Variants in CELF2 observed in about 807,000 individuals in gnomAD.
CELF2 encodes CUGBP Elav-like family member 2, also known as CUG triplet repeat RNA-binding protein 2.
A neutral mutation model predicts 62.6 loss-of-function variants in CELF2; 8 were observed. The ratio of observed to expected loss-of-function variants is 0.13; its 90% CI spans 0.07 to 0.23. The LOEUF (loss-of-function observed/expected upper bound fraction) is 0.23. Ranked by LOEUF, CELF2 falls within the 10% of genes least tolerant of loss-of-function variation. The probability of loss-of-function intolerance (pLI) is 1.00; values close to 1 mark genes in which losing one functional copy is unlikely to be tolerated. For synonymous variants in CELF2, 258 were observed against 250.0 expected, an observed-to-expected ratio of 1.03 and a Z score of -0.30; for missense variants, 333 against 671.0, an observed-to-expected ratio of 0.50 and a Z score of 5.56.
rs199791747 is a variant in CELF2 at position 11,331,604 on chromosome 10, T to TA, written c.*2562dup. Reference sequence around the variant, plus strand: ...GTGTTTTGTATAAATCCCTAATATTTAAAAAAAAAAACAAAACAAAAAAAG... The same window carrying TA: ...GTGTTTTGTATAAATCCCTAATATTTAAAAAAAAAAAACAAAACAAAAAAAG... On this transcript the variant is annotated 3_prime_UTR_variant, in exon 13 of 13. Transcript: ENST00000633077. 0.013 allele frequency: 1,920 copies of TA among 146,080 alleles called. 33 individuals are homozygous for TA. The highest frequency in any genetic ancestry group is 0.06 in the East Asian group (304 of 5,076). 9.0% of individuals were successfully genotyped at this position (146,080 alleles called of 1,614,324 possible). A position where few individuals can be genotyped will look rare whatever the true frequency, so the allele number is the denominator to read the frequency against.
intron 1 of CELF2, among the ~76,000 whole-genome samples, chr10:10,878,895 C>T (rs1409734303): frequency 6.6e-6 from 1 of 152,166 alleles, no homozygotes; most frequent in African/African-American, 2.4e-5. Context: ...GCTATGACTG[C>T]TTTGTGGTTG....
rs542361318 is a variant in CELF2 at position 11,046,243 on chromosome 10, G to A, written c.74+28080G>A. ...CCATCCCCAGACGTTCCGATTCAGC[G>A]GGTCCAAGGTGGGGCTGGGAATTTG... On this transcript the variant is annotated intron_variant, in intron 1 of 12. Coordinates refer to ENST00000633077, the MANE Select transcript of CELF2 (RefSeq NM_001326342.2). This position sits in a 1 kb window ranked among gnomAD's most constrained non-coding sequence, Gnocchi z 4.6. 6.6e-6 allele frequency among the ~76,000 whole-genome samples: 1 copy of A among 152,144 alleles called. No homozygotes were observed. The highest frequency in any genetic ancestry group is 2.1e-4 in the South Asian group (1 of 4,826).
chr10:11,303,018 C>T (rs1270211611), intron 9 of CELF2, among the ~76,000 whole-genome samples: 2 of 152,192 alleles, frequency 1.3e-5, no homozygotes, highest in Non-Finnish European at 2.9e-5. Flanking sequence ...CCCCTTGATA[C>T]ATGTCGGAGG....
intron 1 of CELF2, among the ~76,000 whole-genome samples, chr10:11,047,789 A>G (rs760677309): frequency 1.5e-4 from 23 of 152,120 alleles, no homozygotes; most frequent in Non-Finnish European, 2.6e-4. Flanking sequence ...TTTCTGGGAT[A>G]TAGACATTTT....
chr10:10,644,131 T>G, the CELF2 span, among the ~76,000 whole-genome samples: 1 of 152,184 alleles, frequency 6.6e-6, no homozygotes, highest in Non-Finnish European at 1.5e-5. Context: ...ACTGAAGCTT[T>G]CTTTACAGAC....
Position 10,862,091 on chromosome 10 carries a change from A to G in CELF2, c.54-57873A>G, listed in dbSNP as rs142036940. Among the ~76,000 whole-genome samples, 7 of 152,282 alleles carry G rather than the reference A, an allele frequency of 4.6e-5. No homozygotes were observed. The East Asian group carries it at 1.2e-3, about 25-fold the overall frequency. ...TAAACTTCTTTAGAAATATTAATGT[A>G]TCATTTGCAAGGCTGTAAGTTAAAC... On this transcript the variant is annotated intron_variant, in intron 1 of 13. Coordinates refer to the CELF2 transcript ENST00000636488.
rs150601304 is a variant in CELF2 at position 10,800,213 on chromosome 10, C to T, written c.53+1396C>T. ...GCATGTCATATTCTAGAACTTTCCA[C>T]GGATGCTTTTTGCACATCAGGTAGT... On this transcript the variant is annotated intron_variant, in intron 1 of 13. Coordinates refer to the CELF2 transcript ENST00000636488. 4.9e-3 allele frequency among the ~76,000 whole-genome samples: 744 copies of T among 152,316 alleles called. 3 individuals are homozygous for T. The highest frequency in any genetic ancestry group is 0.02 in the Middle Eastern group (6 of 294).
At chr10:11,044,109 C>T (rs2062365977) in intron 1 of CELF2, among the ~76,000 whole-genome samples, 1 of 152,218 alleles carries the variant, frequency 6.6e-6, no homozygotes, top group Non-Finnish European at 1.5e-5. Flanking sequence ...CATCCAAAGG[C>T]GGTCCCTGAC....
chr10:10,677,205 T>C, the CELF2 span, among the ~76,000 whole-genome samples: 1 of 152,192 alleles, frequency 6.6e-6, no homozygotes. Context: ...GTTCACATCA[T>C]TTACATAGAA....
At position 11,165,730 on chromosome 10, in the gene CELF2, G is replaced by A. The variant is rs779257064; in HGVS notation, c.271+48G>A. The stretch of plus-strand genomic sequence containing the variant: ...CGCCAGGCGTCCAGGTGGGCGTCGC[G>A]GGGCACTGGGGCTGTCCGAGCCCCC... On this transcript the variant is annotated intron_variant, in intron 2 of 12. Transcript: ENST00000633077. This position sits in a 1 kb window ranked among gnomAD's most constrained non-coding sequence, Gnocchi z 7.4. 20 of 1,523,878 alleles carry A rather than the reference G, an allele frequency of 1.3e-5. No homozygotes were observed. Among genetic ancestry groups the A allele is most frequent in the South Asian group, 1.3e-4 (11 of 84,970 alleles). The allele number at this position is 1,523,878 out of a possible 1,614,324, so 94.4% of individuals were successfully genotyped here. A position where few individuals can be genotyped will look rare whatever the true frequency, so the allele number is the denominator to read the frequency against.
At chr10:10,666,975 T>G in the CELF2 span, among the ~76,000 whole-genome samples, 1 of 152,100 alleles carries the variant, frequency 6.6e-6, no homozygotes, top group Non-Finnish European at 1.5e-5. Flanking sequence ...ACACATACGT[T>G]CATGCACACA....
At chr10:10,540,818 T>G in the CELF2 span, among the ~76,000 whole-genome samples, 1 of 152,308 alleles carries the variant, frequency 6.6e-6, no homozygotes, top group East Asian at 1.9e-4. Context: ...GGCTGTGTTC[T>G]CTACACTCAT....
Position 11,163,504 on chromosome 10 carries a change from G to A in CELF2, c.75-1982G>A, listed in dbSNP as rs79948141. On this transcript the variant is annotated intron_variant, in intron 1 of 12. Transcript: ENST00000633077. The stretch of plus-strand genomic sequence containing the variant: ...AGTGTTGATTGAATTCTCAAAGAGC[G>A]ACTTAAAAAGGATAGGTGCATAAGA... Among the ~76,000 whole-genome samples, 1,284 of 152,282 alleles carry A rather than the reference G, an allele frequency of 8.4e-3. 22 individuals carry two copies. The highest frequency in any genetic ancestry group is 0.029 in the African/African-American group (1,205 of 41,554).
chr10:11,202,903 C>A (rs895190667), intron 2 of CELF2, among the ~76,000 whole-genome samples: 251 of 54,294 alleles, frequency 4.6e-3, no homozygotes, highest in Non-Finnish European at 7.1e-3. Context: ...CCATCCTCAT[C>A]TCTCTCTCTC....
rs2065401068 is a variant in CELF2, at chr10:11,223,153, G to A, written c.354+5646G>A. Among the ~76,000 whole-genome samples the A allele has an allele frequency of 6.6e-6, 1 of 152,206 alleles. No individual in the cohort carries two copies. Among genetic ancestry groups the A allele is most frequent in the East Asian group, 1.9e-4 (1 of 5,202 alleles). ...GTCCGGATCATGGCAGATTCATGGT[G>A]CGTGTTAGAGAGGGTGCTTGAGAAA... On this transcript the variant is annotated intron_variant, in intron 3 of 12. Coordinates refer to ENST00000633077, the MANE Select transcript of CELF2 (RefSeq NM_001326342.2). This position sits in a 1 kb window ranked among gnomAD's most constrained non-coding sequence, Gnocchi z 5.1.
At chr10:10,773,829 C>T in the CELF2 span, among the ~76,000 whole-genome samples, 3 of 152,190 alleles carry the variant, frequency 2.0e-5, no homozygotes, top group Non-Finnish European at 2.9e-5. Context: ...ATGGCCCAGA[C>T]CCACTGCTCC....
chr10:10,835,051 A>G (rs1455769930), intron 1 of CELF2, among the ~76,000 whole-genome samples: 2 of 152,200 alleles, frequency 1.3e-5, no homozygotes, highest in Non-Finnish European at 1.5e-5. Flanking sequence ...AAGAGGCTGG[A>G]GTATAAATTA....
At chr10:10,549,188 C>A in the CELF2 span, among the ~76,000 whole-genome samples, 1 of 152,140 alleles carries the variant, frequency 6.6e-6, no homozygotes, top group Non-Finnish European at 1.5e-5. Flanking sequence ...AACAAAATAC[C>A]ATAGGCTGGA....
rs1019184823 is a variant in CELF2 at position 10,983,188 on chromosome 10, A to C, written c.89+63189A>C. Among the ~76,000 whole-genome samples the C allele has an allele frequency of 6.6e-6, 1 of 152,168 alleles. No individual in the cohort carries two copies. The highest frequency in any genetic ancestry group is 2.4e-5 in the African/African-American group (1 of 41,452). On this transcript the variant is annotated intron_variant, in intron 2 of 13. Coordinates refer to the CELF2 transcript ENST00000636488. This position sits in a 1 kb window ranked among gnomAD's most constrained non-coding sequence, Gnocchi z 5.2. ...AAGTTCAGACACATAGGTTTATACA[A>C]GATGAAAATATTAGATAAAAAGTGA...
Sources: gnomAD v4.1 joint callset for allele counts (sites outside exome capture counted in the v4.1 genomes callset) on GRCh38, gnomAD v4.1.1 for gene constraint, Gnocchi (gnomAD v3.1) non-coding constraint, MANE v1.5 for transcripts, NCBI Gene and HGNC (gene_info 2026-07-23, HGNC 2026-07-21) for gene names.